The following CDH18 variants were observed in gnomAD, a reference collection of about 807,000 sequenced individuals.
CDH18 encodes cadherin 18.
Under a neutral mutation model 67.9 loss-of-function variants are expected in CDH18, and 31 were observed. That is an observed-to-expected ratio of 0.46 (90% CI 0.34 to 0.62). CDH18 has a LOEUF of 0.62. CDH18 is among the 20% of genes least tolerant of loss of function. The pLI is 0.01. For synonymous variants in CDH18, 362 were observed against 347.2 expected (o/e 1.04, Z -0.48); for missense variants, 890 against 975.5 (o/e 0.91, Z 1.17).
At chr5:19,567,479 T>C (rs1740629264) in intron 8 of CDH18, among the ~76,000 whole-genome samples, 1 of 152,190 alleles carries the variant, frequency 6.6e-6, no homozygotes, top group South Asian at 2.1e-4. Flanking sequence ...TCAGGGCACA[T>C]TGCAAAGTAC....
intron 2 of CDH18, among the ~76,000 whole-genome samples, chr5:20,241,861 AAAAAT>A (rs1380859917): frequency 1.6e-4 from 20 of 127,252 alleles, no homozygotes; most frequent in South Asian, 2.5e-4. Context: ...CAAAAAAAAA[AAAAAT>A]AAAATAAAAT....
At chr5:19,489,743 GA>G (rs1342260312) in intron 11 of CDH18, among the ~76,000 whole-genome samples, 3 of 152,030 alleles carry the variant, frequency 2.0e-5, no homozygotes, top group Non-Finnish European at 4.4e-5. Flanking sequence ...GTATATTCAA[GA>G]CTGTATTTCG....
At chr5:19,739,513 G>A (rs1768823498) in intron 4 of CDH18, among the ~76,000 whole-genome samples, 2 of 152,128 alleles carry the variant, frequency 1.3e-5, no homozygotes, top group Admixed American at 6.5e-5. Flanking sequence ...CCTAGTGGAA[G>A]AGCAGCCTGG....
intron 6 of CDH18, among the ~76,000 whole-genome samples, chr5:19,606,800 A>G (rs750345264): frequency 2.6e-5 from 4 of 151,902 alleles, no homozygotes; most frequent in Non-Finnish European, 4.4e-5. Context: ...GAGTTTCTCA[A>G]AACTAATAAA....
At chr5:19,791,480 CAT>C (rs778661147) in intron 3 of CDH18, among the ~76,000 whole-genome samples, 2 of 151,796 alleles carry the variant, frequency 1.3e-5, no homozygotes, top group African/African-American at 2.4e-5. Flanking sequence ...AAATGTATTA[CAT>C]ATATAATTGT....
At chr5:19,732,764 T>C (rs1321703299) in intron 4 of CDH18, among the ~76,000 whole-genome samples, 3 of 152,192 alleles carry the variant, frequency 2.0e-5, no homozygotes, top group Non-Finnish European at 4.4e-5. Context: ...ATGATTAGTA[T>C]ATTTCATCTC....
At chr5:19,695,633 ACATTG>A (rs1235142764) in intron 5 of CDH18, among the ~76,000 whole-genome samples, 2 of 152,198 alleles carry the variant, frequency 1.3e-5, no homozygotes, top group Non-Finnish European at 2.9e-5. Context: ...AAAGTTTTCT[ACATTG>A]CAATCAGCAT....
chr5:19,511,466 T>C (rs918177124), intron 10 of CDH18, among the ~76,000 whole-genome samples: 7 of 152,076 alleles, frequency 4.6e-5, no homozygotes, highest in African/African-American at 1.7e-4. Context: ...GTGGGAAGGT[T>C]TGGAACTTTC....
At chr5:20,144,205 C>G (rs1750464491) in intron 2 of CDH18, among the ~76,000 whole-genome samples, 1 of 151,604 alleles carries the variant, frequency 6.6e-6, no homozygotes, top group Non-Finnish European at 1.5e-5. Flanking sequence ...CACGGACAGC[C>G]TGGGAAACTG....
At chr5:19,800,451 A>T (rs1420442375) in intron 3 of CDH18, among the ~76,000 whole-genome samples, 2 of 152,258 alleles carry the variant, frequency 1.3e-5, no homozygotes, top group East Asian at 3.9e-4. Context: ...AGGGAACTCA[A>T]ATTCTCCTCA....
At chr5:20,336,082 C>A (rs181210028) in intron 1 of CDH18, among the ~76,000 whole-genome samples, 2 of 152,122 alleles carry the variant, frequency 1.3e-5, no homozygotes, top group Non-Finnish European at 2.9e-5. Context: ...GGTTTCTTCT[C>A]GCCTAGAGGC....
intron 3 of CDH18, among the ~76,000 whole-genome samples, chr5:19,784,127 C>A (rs1203582512): frequency 1.3e-5 from 2 of 151,932 alleles, no homozygotes; most frequent in African/African-American, 4.8e-5. Flanking sequence ...ACTTTTTGAG[C>A]AAAATTGTGC....
intron 1 of CDH18, among the ~76,000 whole-genome samples, chr5:20,325,775 C>G (rs1335784557): frequency 6.6e-6 from 1 of 152,116 alleles, no homozygotes; most frequent in Non-Finnish European, 1.5e-5. Context: ...TTCATATTTA[C>G]TGTTCATTGC....
intron 3 of CDH18, among the ~76,000 whole-genome samples, chr5:19,811,162 GAGA>G: frequency 1.5e-4 from 1 of 6,838 alleles, no homozygotes; most frequent in Admixed American, 1.6e-3. Flanking sequence ...AAGAAAGAAG[GAGA>G]GAAAGAAAGA....
chr5:20,481,144 CAG>C (rs1561047930), intron 1 of CDH18, among the ~76,000 whole-genome samples: 1 of 149,618 alleles, frequency 6.7e-6, no homozygotes, highest in East Asian at 2.0e-4. Context: ...GGGCTGAAAA[CAG>C]ATATTCCATG....
chr5:19,917,071 T>C (rs997316971), intron 2 of CDH18, among the ~76,000 whole-genome samples: 1 of 152,212 alleles, frequency 6.6e-6, no homozygotes, highest in Admixed American at 6.5e-5. Flanking sequence ...TCAACATACA[T>C]CTTGTCTAAA....
At chr5:19,994,849 TATATATAG>T (rs1735852149) in intron 2 of CDH18, among the ~76,000 whole-genome samples, 1 of 32,334 alleles carries the variant, frequency 3.1e-5, no homozygotes, top group Non-Finnish European at 5.2e-5. Flanking sequence ...TATATATATA[TATATATAG>T]AGAGAGAGAG....
chr5:20,204,962 CTT>C (rs1024257622), intron 2 of CDH18, among the ~76,000 whole-genome samples: 8 of 151,602 alleles, frequency 5.3e-5, no homozygotes, highest in African/African-American at 1.9e-4. Flanking sequence ...CAGAAAAAAA[CTT>C]AACCACAAAG....
intron 1 of CDH18, among the ~76,000 whole-genome samples, chr5:20,419,601 T>G (rs1747686616): frequency 7.0e-6 from 1 of 142,046 alleles, no homozygotes; most frequent in Admixed American, 6.8e-5. Flanking sequence ...TCAGCTCCCC[T>G]TCAGTAGCTG....
Sources: allele counts gnomAD v4.1 joint callset (sites outside exome capture counted in the v4.1 genomes callset), GRCh38; gene constraint gnomAD v4.1.1; transcripts MANE v1.5; gene names NCBI Gene and HGNC (gene_info 2026-07-23, HGNC 2026-07-21).